Variants in ENO1 observed in about 807,000 individuals in gnomAD.
ENO1 encodes alpha-enolase.
ENO1 carries 33 observed loss-of-function variants against 46.3 expected under a neutral mutation model. The observed-to-expected ratio is 0.71, with a 90% CI of 0.54 to 0.95. The LOEUF is 0.95. Among genes scored for constraint, ENO1 ranks in the 40% least tolerant of loss-of-function variants. ENO1 has a pLI of 0.00. For synonymous variants in ENO1, 220 were observed against 216.0 expected (o/e 1.02, Z -0.16); for missense variants, 488 against 553.3 (o/e 0.88, Z 1.18).
Position 8,878,615 on chromosome 1 carries a change from G to C in ENO1, c.-45C>G, listed in dbSNP as rs11544506. On this transcript the variant is annotated 5_prime_UTR_variant, in exon 1 of 12. Coordinates refer to ENST00000234590, the MANE Select transcript of ENO1 (RefSeq NM_001428.5). ...GGTCTCGTCGCCTAGGAGAGGAAGC[G>C]GAGGGTGCTGCAGACACCGAGGTGA... 6.6e-6 allele frequency: 3 copies of C among 456,078 alleles called. No homozygotes were observed. The Admixed American group carries it at 7.0e-5, about 11-fold the overall frequency. 28.3% of individuals were successfully genotyped at this position (456,078 alleles called of 1,614,324 possible).
At position 8,867,178 on chromosome 1, in the gene ENO1, A is replaced by ACC; in HGVS notation, c.381_382dup (p.Val128GlyfsTer43). 1 of 1,613,564 alleles carries ACC rather than the reference A, an allele frequency of 6.2e-7. No individual in the cohort carries two copies. The highest frequency in any genetic ancestry group is 8.5e-7 in the Non-Finnish European group (1 of 1,179,850). Reference sequence around the variant, plus strand: ...GTCAGCGATGTGGCGGTACAGGGGGACCCCCTTCTCAACGGCACCAGCTTT... The same window carrying ACC: ...GTCAGCGATGTGGCGGTACAGGGGGACCCCCCCTTCTCAACGGCACCAGCTTT... On this transcript the variant is annotated frameshift_variant, in exon 6 of 12. Coordinates refer to ENST00000234590, the MANE Select transcript of ENO1 (RefSeq NM_001428.5). LOFTEE classifies it high-confidence loss of function.
chr1:8,862,356 A>G (rs1189625790), intron 11 of ENO1, among the ~76,000 whole-genome samples: 1 of 152,044 alleles, frequency 6.6e-6, no homozygotes, highest in Non-Finnish European at 1.5e-5. Context: ...ATGAAGGGGT[A>G]ATATGGGAGA....
intron 4 of ENO1, among the ~76,000 whole-genome samples, chr1:8,869,325 C>T (rs971730386): frequency 3.3e-5 from 5 of 152,172 alleles, no homozygotes; most frequent in Admixed American, 2.6e-4. Context: ...GTCCGGGAGA[C>T]TGGCAGGGGG....
chr1:8,870,227 G>C (rs954191061), intron 4 of ENO1: 2 of 551,496 alleles, frequency 3.6e-6, no homozygotes. Context: ...CTCAGGGCTC[G>C]AAGTGTCTCA....
rs2781066 is a variant in ENO1 at position 8,866,270 on chromosome 1, C to T, written c.667+9G>A. The T allele has an allele frequency of 0.16, 257,492 of 1,613,032 alleles. 22,506 individuals are homozygous for T. Among genetic ancestry groups the T allele is most frequent in the Non-Finnish European group, 0.18 (210,753 of 1,179,718 alleles). ...GCTGGGTGGGGGGGCGGTTCCCTAGCGCCTTTACCTTCTTTATTCTCCAGG... is the reference window on the plus strand; with the variant it reads ...GCTGGGTGGGGGGGCGGTTCCCTAGTGCCTTTACCTTCTTTATTCTCCAGG... On this transcript the variant is annotated intron_variant, in intron 7 of 11. Transcript: ENST00000234590.
intron 1 of ENO1, 145 bp from the exon 2 acceptor site, chr1:8,875,062 G>C (rs1029728434): frequency 2.9e-5 from 18 of 614,006 alleles, no homozygotes; most frequent in African/African-American, 7.6e-5. Flanking sequence ...TGGCTAGGGT[G>C]GGGGGAAAAG....
At chr1:8,867,010 G>A in intron 6 of ENO1, 107 bp downstream of exon 6, 1 of 1,492,222 alleles carries the variant, frequency 6.7e-7, no homozygotes, top group East Asian at 2.3e-5. Flanking sequence ...GAGCTGTGCT[G>A]GGAGAGTCAC....
At chr1:8,863,440 AG>A in intron 9 of ENO1, 97 bp from the exon 10 acceptor site, 1 of 1,235,398 alleles carries the variant, frequency 8.1e-7, no homozygotes, top group Non-Finnish European at 1.1e-6. Context: ...AAAGCAGTGG[AG>A]GGGCTGTTAA....
At chr1:8,872,885 C>T (rs1642662560) in intron 2 of ENO1, among the ~76,000 whole-genome samples, 1 of 152,172 alleles carries the variant, frequency 6.6e-6, no homozygotes, top group South Asian at 2.1e-4. Context: ...AAGAACTGAA[C>T]CAAGTAATCT....
At chr1:8,862,784 T>C in intron 11 of ENO1, 103 bp downstream of exon 11, 1 of 1,326,258 alleles carries the variant, frequency 7.5e-7, no homozygotes, top group South Asian at 1.3e-5. Flanking sequence ...CACCTGTACA[T>C]GTTCCCAGAG....
intron 6 of ENO1, 37 bp downstream of exon 6, chr1:8,867,080 C>T (rs1159830012): frequency 1.2e-6 from 2 of 1,603,774 alleles, no homozygotes; most frequent in South Asian, 1.1e-5. Flanking sequence ...CTGAAACCCC[C>T]AACTCCTTGC....
chr1:8,866,233 T>TG, intron 7 of ENO1, 46 bp downstream of exon 7: 1 of 1,555,502 alleles, frequency 6.4e-7, no homozygotes, highest in South Asian at 1.1e-5. Context: ...CAGAGGGAGC[T>TG]GGCGCTGCAG....
Position 8,861,286 on chromosome 1 carries a change from G to C in ENO1, c.*74C>G. Reference sequence around the variant, plus strand: ...CCTGCAAGTGTTGGTCGGGGGCCTCGAGCTGCCTGAGCTGACACGAGGGGA... The same window carrying C: ...CCTGCAAGTGTTGGTCGGGGGCCTCCAGCTGCCTGAGCTGACACGAGGGGA... On this transcript the variant is annotated 3_prime_UTR_variant, in exon 12 of 12. Coordinates refer to ENST00000234590, the MANE Select transcript of ENO1 (RefSeq NM_001428.5). 6.5e-7 allele frequency: 1 copy of C among 1,528,468 alleles called. No homozygotes were observed. Among genetic ancestry groups the C allele is most frequent in the Admixed American group, 1.7e-5 (1 of 58,982 alleles). 94.7% of individuals were successfully genotyped at this position (1,528,468 alleles called of 1,614,324 possible). A position where few individuals can be genotyped will look rare whatever the true frequency, so the allele number is the denominator to read the frequency against.
intron 9 of ENO1, 42 bp downstream of exon 9, chr1:8,863,849 G>C: frequency 6.2e-7 from 1 of 1,606,458 alleles, no homozygotes; most frequent in Non-Finnish European, 8.5e-7. Flanking sequence ...TGATTCACAA[G>C]CCGTAGCTGC....
intron 8 of ENO1, among the ~76,000 whole-genome samples, chr1:8,864,798 G>T (rs570678162): frequency 7.9e-5 from 12 of 152,202 alleles, no homozygotes; most frequent in Admixed American, 5.2e-4. Context: ...CAGATTTCCT[G>T]GTCTGAATTC....
chr1:8,868,203 C>CA (rs1642563735), intron 4 of ENO1, 146 bp from the exon 5 acceptor site: 2 of 696,468 alleles, frequency 2.9e-6, no homozygotes, highest in Non-Finnish European at 4.9e-6. Flanking sequence ...AAGTGGAGGA[C>CA]AAAAATCAGT....
At chr1:8,864,120 A>C in intron 8 of ENO1, 28 bp from the exon 9 acceptor site, 1 of 1,611,548 alleles carries the variant, frequency 6.2e-7, no homozygotes. Context: ...ACGCTTCATC[A>C]GTGTGATCCT....
intron 7 of ENO1, among the ~76,000 whole-genome samples, 198 bp from the exon 8 acceptor site, chr1:8,865,680 G>A (rs183288680): frequency 5.9e-5 from 9 of 152,232 alleles, no homozygotes; most frequent in Non-Finnish European, 1.0e-4. Flanking sequence ...ATACAAAATG[G>A]GAAATTCAGC....
At chr1:8,867,674 C>T (rs143510791) in intron 5 of ENO1, among the ~76,000 whole-genome samples, 5 of 152,130 alleles carry the variant, frequency 3.3e-5, no homozygotes, top group African/African-American at 9.6e-5. Context: ...GGACTACAGG[C>T]GCCCACCACC....
Sources: allele counts gnomAD v4.1 joint callset (sites outside exome capture counted in the v4.1 genomes callset), GRCh38; gene constraint gnomAD v4.1.1; transcripts MANE v1.5; gene names NCBI Gene and HGNC (gene_info 2026-07-23, HGNC 2026-07-21).